The following PHLDB2 variants were observed in gnomAD, a reference collection of about 807,000 sequenced individuals.
The protein encoded by PHLDB2 is pleckstrin homology-like domain family B member 2.
PHLDB2 carries 71 observed loss-of-function variants against 123.6 expected under a neutral mutation model. The observed-to-expected ratio is 0.57, with a 90% confidence interval of 0.47 to 0.70. The LOEUF (loss-of-function observed/expected upper bound fraction) is 0.70. PHLDB2 is among the 30% of genes least tolerant of loss of function. The pLI, the probability that PHLDB2 is intolerant of heterozygous loss-of-function variation, is 0.00. For missense variants in PHLDB2, 1,446 were observed against 1,519.5 expected (o/e 0.95, Z 0.80); for synonymous variants, 547 against 541.6 (o/e 1.01, Z -0.14).
At chr3:111,771,202 A>T (rs920218333) in intron 1 of PHLDB2, among the ~76,000 whole-genome samples, 1 of 152,204 alleles carries the variant, frequency 6.6e-6, no homozygotes, top group Non-Finnish European at 1.5e-5. Context: ...TACACAACAT[A>T]ATTTCGATTT....
chr3:111,911,212 G>C (rs184913237), intron 2 of PHLDB2, among the ~76,000 whole-genome samples: 58 of 152,336 alleles, frequency 3.8e-4, no homozygotes, highest in Admixed American at 2.1e-3. Flanking sequence ...TAGAGCCCAG[G>C]TAATTGGAAA....
chr3:111,758,654 G>A (rs145012192), intron 1 of PHLDB2, among the ~76,000 whole-genome samples: 4,896 of 152,220 alleles, frequency 0.032, 122 homozygotes, highest in African/African-American at 0.061. Flanking sequence ...AGATGAACCC[G>A]GTACCTCAGA....
intron 1 of PHLDB2, among the ~76,000 whole-genome samples, chr3:111,837,368 G>A (rs1328682800): frequency 1.3e-5 from 2 of 152,112 alleles, no homozygotes; most frequent in Non-Finnish European, 2.9e-5. Context: ...TCAAACAGTT[G>A]ATCTATTAAT....
chr3:111,797,348 G>T (rs923571916), intron 1 of PHLDB2, among the ~76,000 whole-genome samples: 3 of 151,836 alleles, frequency 2.0e-5, no homozygotes, highest in Admixed American at 6.6e-5. Flanking sequence ...TATTTAGGCA[G>T]ACACACACAC....
intron 1 of PHLDB2, among the ~76,000 whole-genome samples, chr3:111,783,704 G>A (rs3922707): frequency 0.67 from 101,446 of 151,952 alleles, 35,530 homozygotes; most frequent in East Asian, 0.93. Flanking sequence ...TGATCAGCTT[G>A]CTGTTGATCA....
At chr3:111,808,659 G>T (rs1260205715) in intron 1 of PHLDB2, among the ~76,000 whole-genome samples, 3 of 152,086 alleles carry the variant, frequency 2.0e-5, no homozygotes, top group African/African-American at 7.2e-5. Context: ...TATCTCATGA[G>T]TCACAGCTTC....
chr3:111,913,801 A>G (rs1372839923), intron 3 of PHLDB2, 99 bp downstream of exon 3: 2 of 1,390,788 alleles, frequency 1.4e-6, no homozygotes, highest in East Asian at 2.3e-5. Context: ...ATTATCCAGG[A>G]TGTTTTCAGT....
intron 1 of PHLDB2, among the ~76,000 whole-genome samples, chr3:111,795,274 C>T (rs1222083059): frequency 1.3e-5 from 2 of 152,180 alleles, no homozygotes; most frequent in East Asian, 1.9e-4. Flanking sequence ...TTAAGAGCTC[C>T]TTTTCCTCCC....
intron 1 of PHLDB2, among the ~76,000 whole-genome samples, chr3:111,792,826 G>A (rs567314517): frequency 6.6e-6 from 1 of 152,312 alleles, no homozygotes; most frequent in South Asian, 2.1e-4. Context: ...TGCATGCCAT[G>A]GGTATGTACT....
chr3:111,755,630 G>GT (rs1329091546), intron 1 of PHLDB2, among the ~76,000 whole-genome samples: 3 of 145,162 alleles, frequency 2.1e-5, no homozygotes, highest in African/African-American at 5.4e-5. Flanking sequence ...TGTTTGAAGG[G>GT]TTTTTTGTGT....
At chr3:111,878,466 G>T (rs1175766952) in intron 1 of PHLDB2, among the ~76,000 whole-genome samples, 1 of 152,180 alleles carries the variant, frequency 6.6e-6, no homozygotes, top group African/African-American at 2.4e-5. Context: ...AGACGATGGG[G>T]TTTTCTAAAT....
chr3:111,940,924 C>A (rs2069833816), intron 8 of PHLDB2, among the ~76,000 whole-genome samples: 1 of 152,118 alleles, frequency 6.6e-6, no homozygotes, highest in South Asian at 2.1e-4. Context: ...TTGTTTTCCT[C>A]TTTTTTAAAA....
At chr3:111,895,959 C>G (rs2066838701) in intron 2 of PHLDB2, among the ~76,000 whole-genome samples, 1 of 151,950 alleles carries the variant, frequency 6.6e-6, no homozygotes, top group Non-Finnish European at 1.5e-5. Context: ...AAAGTGGTCC[C>G]CATATTTGTT....
At chr3:111,920,462 TG>T in intron 5 of PHLDB2, 43 bp downstream of exon 5, 1 of 1,597,826 alleles carries the variant, frequency 6.3e-7, no homozygotes, top group Non-Finnish European at 8.5e-7. Flanking sequence ...ATGGGCAAAG[TG>T]GTGGTCCCAG....
At chr3:111,899,444 A>G (rs1348387119) in intron 2 of PHLDB2, among the ~76,000 whole-genome samples, 1 of 152,110 alleles carries the variant, frequency 6.6e-6, no homozygotes, top group African/African-American at 2.4e-5. Flanking sequence ...CCAAGCAGTA[A>G]TATTTTTAAA....
intron 2 of PHLDB2, among the ~76,000 whole-genome samples, chr3:111,887,426 G>A (rs978155694): frequency 1.3e-5 from 2 of 152,084 alleles, no homozygotes; most frequent in Admixed American, 6.5e-5. Context: ...AAGGGATGAC[G>A]GATTCTTATC....
At chr3:111,793,530 T>C (rs1438428203) in intron 1 of PHLDB2, among the ~76,000 whole-genome samples, 1 of 151,898 alleles carries the variant, frequency 6.6e-6, no homozygotes, top group African/African-American at 2.4e-5. Context: ...GATAACCAAG[T>C]GCAAGACAAA....
chr3:111,835,080 G>A (rs949394311), intron 1 of PHLDB2, among the ~76,000 whole-genome samples: 2 of 152,100 alleles, frequency 1.3e-5, no homozygotes, highest in Non-Finnish European at 2.9e-5. Context: ...CAAAATTTAA[G>A]AGAGAATGAG....
At chr3:111,927,219 T>C (rs1164266020) in intron 5 of PHLDB2, among the ~76,000 whole-genome samples, 1 of 122,366 alleles carries the variant, frequency 8.2e-6, no homozygotes, top group East Asian at 2.5e-4. Context: ...GATAGGACTT[T>C]GAATGGACCT....
Sources: allele counts gnomAD v4.1 joint callset (sites outside exome capture counted in the v4.1 genomes callset), GRCh38; gene constraint gnomAD v4.1.1; transcripts MANE v1.5; gene names NCBI Gene and HGNC (gene_info 2026-07-23, HGNC 2026-07-21).